The following HYDIN variants were observed in gnomAD, a reference collection of about 807,000 sequenced individuals.
HYDIN encodes HYDIN axonemal central pair apparatus protein.
A neutral mutation model predicts 403.9 loss-of-function variants in HYDIN; 132 were observed. The ratio of observed to expected loss-of-function variants is 0.33; its 90% confidence interval spans 0.28 to 0.38. The LOEUF (loss-of-function observed/expected upper bound fraction) is 0.38. Among genes scored for constraint, HYDIN ranks in the 10% least tolerant of loss-of-function variants. HYDIN has a pLI of 1.00. For synonymous variants in HYDIN, 1,202 were observed against 1,891.7 expected, an observed-to-expected ratio of 0.64 and a Z score of 9.46; for missense variants, 2,827 against 5,009.5, an observed-to-expected ratio of 0.56 and a Z score of 13.15.
intron 47 of HYDIN, among the ~76,000 whole-genome samples, chr16:70,914,989 T>G (rs1224881400): frequency 1.3e-5 from 2 of 150,364 alleles, no homozygotes; most frequent in Non-Finnish European, 3.0e-5. Context: ...CCTGAAGTTT[T>G]GATTGTTTTT....
At chr16:71,110,509 A>T (rs902413462) in intron 10 of HYDIN, among the ~76,000 whole-genome samples, 1 of 143,786 alleles carries the variant, frequency 7.0e-6, no homozygotes, top group African/African-American at 2.5e-5. Flanking sequence ...ATATATATAT[A>T]TCAATATATC....
rs574201495 is a variant in HYDIN at position 70,883,953 on chromosome 16, G to A, written c.9946C>T (p.Leu3316Phe). The change falls in exon 59 of 86, where the codon CTT (leucine) becomes TTT (phenylalanine). Residue 3316 changes from leucine (L) to phenylalanine (F), a missense_variant. Physicochemically the swap from Leu to Phe is conservative, Grantham distance 22. Transcript: ENST00000393567. The part of the protein sequence containing the change: ...RDPAVHPAGI[L>F]YTLLAEACLP... ...CAGGCTTCAGCTAGCAAAGTGTAAA[G>A]AATGCCGGCAGGGTGGACTGCAGGG... is the stretch of plus-strand genomic sequence containing the variant. 6 of 1,613,992 alleles carry A rather than the reference G, an allele frequency of 3.7e-6. No individual in the cohort carries two copies. In the African/African-American group the frequency reaches 8.0e-5, roughly 22 times the overall value.
intron 5 of HYDIN, among the ~76,000 whole-genome samples, chr16:71,165,193 G>A (rs1287241539): frequency 6.6e-6 from 1 of 151,226 alleles, no homozygotes; most frequent in Non-Finnish European, 1.5e-5. Context: ...GCGCACTTGC[G>A]AAGGTCCCGT....
intron 20 of HYDIN, 123 bp downstream of exon 20, chr16:71,027,479 T>C (rs2080749282): frequency 1.2e-5 from 19 of 1,538,954 alleles, no homozygotes; most frequent in South Asian, 9.8e-5. Context: ...CTCAGGATTG[T>C]ACACAATCCT....
rs1467296609 is a variant in HYDIN, at chr16:70,954,298, A to T, written c.6316+1077T>A. On this transcript the variant is annotated intron_variant, in intron 40 of 85. Coordinates refer to ENST00000393567, the MANE Select transcript of HYDIN (RefSeq NM_001270974.2). ...TGAGACCAGCCTGGACAACATAGCG[A>T]GACCCTAAAAATTAGCCAGGCATGG... is the stretch of plus-strand genomic sequence containing the variant. Among the ~76,000 whole-genome samples the T allele has an allele frequency of 8.3e-5, 9 of 108,552 alleles. No individual in the cohort carries two copies. The East Asian group carries it at 2.4e-3, about 28-fold the overall frequency. The allele number at this position is 108,552 out of a possible 152,430, so 71.2% of individuals were successfully genotyped here.
chr16:70,926,382 G>A (rs1233842689), intron 45 of HYDIN, among the ~76,000 whole-genome samples: 2 of 151,740 alleles, frequency 1.3e-5, no homozygotes, highest in Admixed American at 1.3e-4. Context: ...AACACCGCAT[G>A]TTCTCACTCA....
rs557039470 is a variant in HYDIN at position 71,219,307 on chromosome 16, TA to T, written c.-24+11254del. 5.0e-3 allele frequency among the ~76,000 whole-genome samples: 743 copies of T among 149,520 alleles called. 5 individuals carry two copies. The highest frequency in any genetic ancestry group is 0.016 in the African/African-American group (672 of 40,858). On this transcript the variant is annotated intron_variant, in intron 1 of 85. Coordinates refer to ENST00000393567, the MANE Select transcript of HYDIN (RefSeq NM_001270974.2). ...TTATTAAAGCAAGAAGATGCCATTTTAAAAAAAAAATAAGGGGCAGATTTAT... is the reference window on the plus strand; with the variant it reads ...TTATTAAAGCAAGAAGATGCCATTTTAAAAAAAAATAAGGGGCAGATTTAT...
At chr16:70,881,756 T>C (rs1354583846) in intron 60 of HYDIN, among the ~76,000 whole-genome samples, 2 of 152,278 alleles carry the variant, frequency 1.3e-5, no homozygotes, top group Non-Finnish European at 2.9e-5. Flanking sequence ...TCTAGGCTGA[T>C]ACCAACACCC....
intron 71 of HYDIN, among the ~76,000 whole-genome samples, chr16:70,859,068 G>A (rs1213495449): frequency 1.3e-5 from 2 of 151,540 alleles, no homozygotes; most frequent in South Asian, 2.1e-4. Flanking sequence ...TTGGGAGGCC[G>A]AGACGGGCAG....
chr16:70,954,175 C>A (rs1298169065), intron 40 of HYDIN, among the ~76,000 whole-genome samples: 1 of 54,870 alleles, frequency 1.8e-5, no homozygotes, highest in African/African-American at 7.4e-5. Flanking sequence ...CACACCAGAC[C>A]TCCCCACTAT....
chr16:71,056,127 G>GTTTT (rs57845299), intron 18 of HYDIN, among the ~76,000 whole-genome samples: 26 of 106,212 alleles, frequency 2.4e-4, no homozygotes, highest in East Asian at 3.1e-4. Context: ...TCTGAGATTT[G>GTTTT]TTTTTTTTTT....
chr16:70,861,163 C>A (rs995558410), intron 69 of HYDIN, among the ~76,000 whole-genome samples: 2 of 152,126 alleles, frequency 1.3e-5, no homozygotes, highest in African/African-American at 4.8e-5. Flanking sequence ...ATTCCTGCTG[C>A]AAAATGAGCA....
intron 45 of HYDIN, among the ~76,000 whole-genome samples, chr16:70,928,401 T>A (rs1228167278): frequency 6.6e-6 from 1 of 151,876 alleles, no homozygotes; most frequent in Admixed American, 6.6e-5. Context: ...AAGGCTGCAG[T>A]GAGTGGTGAT....
At chr16:70,991,170 T>C (rs1366409283) in intron 25 of HYDIN, 148 bp downstream of exon 25, 2 of 1,083,366 alleles carry the variant, frequency 1.8e-6, no homozygotes, top group Non-Finnish European at 2.6e-6. Context: ...TCTGGGGTGT[T>C]TGGCTGGGAA....
rs754359457 is a variant in HYDIN, at chr16:71,079,870, T to C, written c.1738+15A>G. The C allele has an allele frequency of 6.7e-7, 1 of 1,501,584 alleles. No homozygotes were observed. The highest frequency in any genetic ancestry group is 2.3e-5 in the East Asian group (1 of 43,902). 93.0% of individuals were successfully genotyped at this position (1,501,584 alleles called of 1,614,324 possible). ...ATCCTATTCAATTTCTAATTTAAAATGGAAAACTACTCACCAAAGGAAACA... is the reference window on the plus strand; with the variant it reads ...ATCCTATTCAATTTCTAATTTAAAACGGAAAACTACTCACCAAAGGAAACA... On this transcript the variant is annotated intron_variant, in intron 13 of 85. Coordinates refer to ENST00000393567, the MANE Select transcript of HYDIN (RefSeq NM_001270974.2).
At chr16:71,156,778 T>C (rs532277844) in intron 6 of HYDIN, among the ~76,000 whole-genome samples, 1 of 152,104 alleles carries the variant, frequency 6.6e-6, no homozygotes, top group East Asian at 1.9e-4. Context: ...TTACTTGAGT[T>C]TTTAGATTTT....
intron 67 of HYDIN, chr16:70,865,476 G>A (rs2039691729): frequency 4.9e-6 from 2 of 409,782 alleles, no homozygotes; most frequent in African/African-American, 4.1e-5. Flanking sequence ...CTGAATGTGG[G>A]TGAAGGGTTA....
intron 18 of HYDIN, among the ~76,000 whole-genome samples, chr16:71,038,654 CTCT>C (rs2081179776): frequency 6.6e-6 from 1 of 152,258 alleles, no homozygotes; most frequent in Non-Finnish European, 1.5e-5. Flanking sequence ...CAAGGCATTT[CTCT>C]TTTTTTAAAA....
intron 15 of HYDIN, among the ~76,000 whole-genome samples, chr16:71,066,247 T>C (rs536385854): frequency 1.6e-4 from 24 of 152,210 alleles, no homozygotes; most frequent in African/African-American, 5.8e-4. Flanking sequence ...AAGGACCACA[T>C]TAGGGTTTTT....
Sources: gnomAD v4.1 joint callset for allele counts (sites outside exome capture counted in the v4.1 genomes callset) on GRCh38, gnomAD v4.1.1 for gene constraint, MANE v1.5 for transcripts, NCBI Gene and HGNC (gene_info 2026-07-23, HGNC 2026-07-21) for gene names.